EIF2B3: variants seen among roughly 807,000 people sequenced by gnomAD.
EIF2B3 encodes the protein translation initiation factor eIF2B subunit gamma.
Under a neutral mutation model 54.1 loss-of-function variants are expected in EIF2B3, and 20 were observed. That is an observed-to-expected ratio of 0.37 (90% CI 0.26 to 0.54). The LOEUF (loss-of-function observed/expected upper bound fraction) is 0.54, where lower values mean the gene tolerates loss of function less well. EIF2B3 is among the 20% of genes least tolerant of loss of function. The pLI is 0.86. For missense variants in EIF2B3, 448 were observed against 547.8 expected, an observed-to-expected ratio of 0.82 and a Z score of 1.82; for synonymous variants, 153 against 188.1, an observed-to-expected ratio of 0.81 and a Z score of 1.52.
chr1:44,981,035 C>T lies in EIF2B3; in HGVS notation c.134G>A (p.Arg45His), dbSNP rs139445917. 2.1e-4 allele frequency: 335 copies of T among 1,613,658 alleles called. 2 individuals carry two copies. In the Middle Eastern group the frequency reaches 7.3e-3, roughly 35 times the overall value. The change falls in exon 2 of 12, where the codon CGT becomes CAT. Residue 45 changes from arginine to histidine, a missense_variant. Coordinates refer to ENST00000360403, the MANE Select transcript of EIF2B3 (RefSeq NM_020365.5). ...LIWYPLNLLE[R>H]VGFEEVIVVT... ...TCATAGCTCACCTTCAAATCCAACA[C>T]GCTCAAGCAGGTTCAATGGGTACCA...
intron 4 of EIF2B3, among the ~76,000 whole-genome samples, chr1:44,941,136 C>G (rs560664409): frequency 1.3e-5 from 2 of 152,168 alleles, no homozygotes; most frequent in Non-Finnish European, 2.9e-5. Context: ...CCCCCTGCCT[C>G]GGTCTCCCAA....
At chr1:44,888,263 G>T (rs1655666354) in intron 6 of EIF2B3, among the ~76,000 whole-genome samples, 1 of 152,140 alleles carries the variant, frequency 6.6e-6, no homozygotes, top group African/African-American at 2.4e-5. Context: ...TAGAATTCAG[G>T]TCCCCCATGC....
intron 4 of EIF2B3, among the ~76,000 whole-genome samples, chr1:44,928,325 T>C (rs1343643193): frequency 1.3e-5 from 2 of 151,728 alleles, no homozygotes; most frequent in Non-Finnish European, 2.9e-5. Context: ...CAGGCGCCTG[T>C]AATCCCAGGT....
chr1:44,941,497 C>A lies in EIF2B3; in HGVS notation c.454+9G>T. 7 of 1,598,376 alleles carry A rather than the reference C, an allele frequency of 4.4e-6. No individual in the cohort carries two copies. The highest frequency in any genetic ancestry group is 6.0e-6 in the Non-Finnish European group (7 of 1,174,064). On this transcript the variant is annotated intron_variant, in intron 4 of 11. Transcript: ENST00000360403. The stretch of plus-strand genomic sequence containing the variant: ...CTCAACAAACAAAACAAACTCCAAT[C>A]TTCCTTACCTGCTTTTTTTTTCCCC...
At position 44,981,105 on chromosome 1, in the gene EIF2B3, T is replaced by C; in HGVS notation, c.64A>G (p.Ser22Gly). Residue 22 changes from serine to glycine, a missense_variant, in exon 2 of 12, where the codon AGC becomes GGC. This residue lies in a region of EIF2B3 where 95 missense variants were observed against 115.7 expected (regional missense o/e 0.82). Coordinates refer to ENST00000360403, the MANE Select transcript of EIF2B3 (RefSeq NM_020365.5). ...ACTGGAAGCAGAGGTTTGGGAATGC[T>C]GGAAGTTAGGTCTGTCATCCGAGAT... ...GGSRMTDLTS[S>G]IPKPLLPVGN... is the part of the protein sequence containing the mutation. The C allele has an allele frequency of 6.2e-7, 1 of 1,613,406 alleles. No homozygotes were observed. Among genetic ancestry groups the C allele is most frequent in the Non-Finnish European group, 8.5e-7 (1 of 1,179,970 alleles).
chr1:44,973,681 G>A (rs769452351), intron 3 of EIF2B3, among the ~76,000 whole-genome samples: 1 of 152,002 alleles, frequency 6.6e-6, no homozygotes, highest in Non-Finnish European at 1.5e-5. Flanking sequence ...CCCAGCCAGG[G>A]TGATAGAGTG....
At position 44,875,031 on chromosome 1, in the gene EIF2B3, T is replaced by C. The variant is rs263955; in HGVS notation, c.1054-205A>G. Among the ~76,000 whole-genome samples, 103,375 of 151,986 alleles carry C rather than the reference T, an allele frequency of 0.68. 37,222 individuals are homozygous for C. Among genetic ancestry groups the C allele is most frequent in the East Asian group, 0.98 (5,045 of 5,174 alleles). On this transcript the variant is annotated intron_variant, in intron 9 of 11. Coordinates refer to ENST00000360403, the MANE Select transcript of EIF2B3 (RefSeq NM_020365.5). ...CCTATTTGAAGCATGGGCCCTCCTC[T>C]CTTGCCAAGAAAACAAAATAAAACA...
chr1:44,955,231 C>A (rs1644209415), intron 3 of EIF2B3, among the ~76,000 whole-genome samples: 1 of 152,144 alleles, frequency 6.6e-6, no homozygotes, highest in Non-Finnish European at 1.5e-5. Context: ...ACCATATGAT[C>A]TTTGACAAAC....
chr1:44,974,473 TAAAAAAAAAA>T (rs79071703), intron 3 of EIF2B3, among the ~76,000 whole-genome samples: 10 of 117,228 alleles, frequency 8.5e-5, no homozygotes, highest in East Asian at 2.4e-4. Flanking sequence ...GACCCTGGTC[TAAAAAAAAAA>T]AAAAGAAAAA....
rs1161743225 is a variant in EIF2B3 at position 44,915,818 on chromosome 1, AAAAAAG to A, written c.566+10804_566+10809del. ...CAATTTTACTGGTATTTAACAAAAG[AAAAAAG>A]AAAAAGTAAAAATGAAGGAAATAGT... On this transcript the variant is annotated intron_variant, in intron 5 of 11. Coordinates refer to ENST00000360403, the MANE Select transcript of EIF2B3 (RefSeq NM_020365.5). Among the ~76,000 whole-genome samples, 14 of 152,296 alleles carry A rather than the reference AAAAAAG, an allele frequency of 9.2e-5. No homozygotes were observed. In the South Asian group the frequency reaches 2.5e-3, roughly 27 times the overall value.
intron 2 of EIF2B3, 54 bp from the exon 3 acceptor site, chr1:44,978,514 G>A: frequency 6.4e-7 from 1 of 1,567,804 alleles, no homozygotes; most frequent in East Asian, 2.3e-5. Context: ...CATATAGACA[G>A]TGGTTCCATT....
chr1:44,870,516 CCTTTT>C (rs2148899237), intron 10 of EIF2B3, among the ~76,000 whole-genome samples: 1 of 152,290 alleles, frequency 6.6e-6, no homozygotes, highest in South Asian at 2.1e-4. Context: ...TCCTTAGATT[CCTTTT>C]CTTATGTCTA....
At chr1:44,917,598 T>C (rs368354914) in intron 5 of EIF2B3, among the ~76,000 whole-genome samples, 1 of 151,826 alleles carries the variant, frequency 6.6e-6, no homozygotes, top group Non-Finnish European at 1.5e-5. Flanking sequence ...ATTGAAGTTA[T>C]ATATGCATAT....
chr1:44,896,152 T>C (rs938088864), intron 6 of EIF2B3, among the ~76,000 whole-genome samples: 1 of 152,228 alleles, frequency 6.6e-6, no homozygotes, highest in African/African-American at 2.4e-5. Context: ...ATTGATCCCA[T>C]GGTTGATCTA....
At chr1:44,948,536 T>C (rs1417013243) in intron 3 of EIF2B3, among the ~76,000 whole-genome samples, 1 of 152,098 alleles carries the variant, frequency 6.6e-6, no homozygotes, top group Admixed American at 6.5e-5. Context: ...TTATTGCCAC[T>C]TACCTTAAAA....
intron 6 of EIF2B3, among the ~76,000 whole-genome samples, chr1:44,887,751 A>C (rs1655643536): frequency 6.6e-6 from 1 of 152,154 alleles, no homozygotes; most frequent in Non-Finnish European, 1.5e-5. Context: ...TTAAAAGTAC[A>C]AAAATTAGCC....
intron 6 of EIF2B3, among the ~76,000 whole-genome samples, chr1:44,886,990 G>A (rs1655609335): frequency 6.6e-6 from 1 of 152,210 alleles, no homozygotes; most frequent in African/African-American, 2.4e-5. Flanking sequence ...AGCGCTGAGT[G>A]AACAAGCAAG....
intron 3 of EIF2B3, among the ~76,000 whole-genome samples, chr1:44,954,666 G>A (rs750124600): frequency 3.3e-5 from 5 of 152,188 alleles, no homozygotes; most frequent in African/African-American, 4.8e-5. Context: ...CATGTCATCT[G>A]CAAATAGAGA....
At chr1:44,973,146 A>AT (rs1477802570) in intron 3 of EIF2B3, among the ~76,000 whole-genome samples, 2 of 152,236 alleles carry the variant, frequency 1.3e-5, no homozygotes, top group Admixed American at 6.5e-5. Flanking sequence ...ATGGCAGTTC[A>AT]TTAAAAAATT....
Sources: gnomAD v4.1 joint callset for allele counts (sites outside exome capture counted in the v4.1 genomes callset) on GRCh38, gnomAD v4.1.1 for gene constraint, gnomAD v4.1.1 regional missense constraint, MANE v1.5 for transcripts, NCBI Gene and HGNC (gene_info 2026-07-23, HGNC 2026-07-21) for gene names.